Variants in PTN observed in about 807,000 individuals in gnomAD.
PTN encodes the protein heparin affin regulatory protein.
Under a neutral mutation model 24.1 loss-of-function variants are expected in PTN, and 18 were observed. That is an observed-to-expected ratio of 0.75 (90% CI 0.52 to 1.11). PTN has a LOEUF of 1.11. Ranked by LOEUF, PTN falls within the 50% of genes least tolerant of loss-of-function variation. The pLI, the probability that PTN is intolerant of heterozygous loss-of-function variation, is 0.00. For missense variants in PTN, 163 were observed against 198.8 expected (o/e 0.82, Z 1.08); for synonymous variants, 78 against 68.6 (o/e 1.14, Z -0.67).
intron 4 of PTN, among the ~76,000 whole-genome samples, chr7:137,233,243 G>GAGAA: frequency 6.6e-6 from 1 of 151,912 alleles, no homozygotes; most frequent in Non-Finnish European, 1.5e-5. Flanking sequence ...TAAGAACTAA[G>GAGAA]CCCTAATCTA....
At chr7:137,274,672 T>C (rs1228532191) in intron 1 of PTN, among the ~76,000 whole-genome samples, 1 of 152,188 alleles carries the variant, frequency 6.6e-6, no homozygotes, top group African/African-American at 2.4e-5. Flanking sequence ...GATGCCTTGC[T>C]CACATTAGGT....
At chr7:137,245,330 A>G (rs185573533) in intron 4 of PTN, among the ~76,000 whole-genome samples, 2 of 152,352 alleles carry the variant, frequency 1.3e-5, no homozygotes, top group East Asian at 1.9e-4. Flanking sequence ...GTTTCAACCA[A>G]TGATGGACCA....
chr7:137,288,169 A>G (rs1809586735), intron 1 of PTN, among the ~76,000 whole-genome samples: 1 of 152,206 alleles, frequency 6.6e-6, no homozygotes, highest in African/African-American at 2.4e-5. Context: ...AGTGAGATGA[A>G]GGTCTCAAAG....
chr7:137,258,645 A>ATTTATC, intron 1 of PTN, among the ~76,000 whole-genome samples: 1 of 152,320 alleles, frequency 6.6e-6, no homozygotes, highest in East Asian at 1.9e-4. Context: ...TATGCCCAAA[A>ATTTATC]CAATACCCAA....
chr7:137,266,539 A>T (rs745533309), intron 1 of PTN, among the ~76,000 whole-genome samples: 25 of 151,392 alleles, frequency 1.7e-4, no homozygotes, highest in East Asian at 5.8e-4. Context: ...TATTACAAAC[A>T]TTTTTTTTTA....
Position 137,254,293 on chromosome 7 carries a change from C to G in PTN, c.115+566G>C, listed in dbSNP as rs1444624004. Among the ~76,000 whole-genome samples, 8 of 138,906 alleles carry G rather than the reference C, an allele frequency of 5.8e-5. No homozygotes were observed. The Admixed American group carries it at 5.9e-4, about 10-fold the overall frequency. 91.1% of individuals were successfully genotyped at this position (138,906 alleles called of 152,430 possible). On this transcript the variant is annotated intron_variant, in intron 2 of 4. Transcript: ENST00000348225. The stretch of plus-strand genomic sequence containing the variant: ...ACCTGGTGACAGAGCGAGACTCCAA[C>G]TCAAAAAAAAAAAAAAAGAAATAAC...
At chr7:137,248,038 A>G (rs1808754271) in intron 4 of PTN, among the ~76,000 whole-genome samples, 1 of 152,192 alleles carries the variant, frequency 6.6e-6, no homozygotes, top group African/African-American at 2.4e-5. Flanking sequence ...GCAAGGATAT[A>G]TGGGACTTTA....
chr7:137,259,230 C>T (rs1808989501), intron 1 of PTN, among the ~76,000 whole-genome samples: 1 of 152,030 alleles, frequency 6.6e-6, no homozygotes, highest in Non-Finnish European at 1.5e-5. Flanking sequence ...GAAAAGAGAG[C>T]TCCCCTTTTC....
intron 4 of PTN, among the ~76,000 whole-genome samples, chr7:137,234,439 C>A (rs571496024): frequency 6.6e-6 from 1 of 151,976 alleles, no homozygotes; most frequent in Non-Finnish European, 1.5e-5. Flanking sequence ...AATTTAAATT[C>A]TTATCAGCAA....
intron 4 of PTN, among the ~76,000 whole-genome samples, chr7:137,237,094 C>T (rs1194479951): frequency 1.3e-5 from 2 of 152,130 alleles, no homozygotes; most frequent in East Asian, 1.9e-4. Context: ...AAAATTCATA[C>T]TGAACTCCTA....
chr7:137,250,657 G>A (rs955403057), intron 4 of PTN, among the ~76,000 whole-genome samples: 1 of 152,320 alleles, frequency 6.6e-6, no homozygotes, highest in East Asian at 1.9e-4. Context: ...CAAGAGAGCA[G>A]AGCCTGACTT....
At chr7:137,273,290 A>G (rs771744439) in intron 1 of PTN, among the ~76,000 whole-genome samples, 7 of 152,210 alleles carry the variant, frequency 4.6e-5, no homozygotes, top group Admixed American at 6.5e-5. Flanking sequence ...CCACTTACAC[A>G]TCTCTGTTCC....
rs184475606 is a variant in PTN at position 137,289,767 on chromosome 7, T to G, written c.-1-34793A>C. On this transcript the variant is annotated intron_variant, in intron 1 of 4. Transcript: ENST00000348225. The stretch of plus-strand genomic sequence containing the variant: ...ATGGCTGATGATCTGAATCAGCTTG[T>G]AAGTTTGCTGTTCCCCAAAATTTCC... 2.8e-4 allele frequency among the ~76,000 whole-genome samples: 43 copies of G among 152,296 alleles called. No individual in the cohort carries two copies. In the East Asian group the frequency reaches 5.2e-3, roughly 18 times the overall value.
intron 1 of PTN, among the ~76,000 whole-genome samples, chr7:137,310,686 G>A (rs958009099): frequency 6.6e-6 from 1 of 152,086 alleles, no homozygotes; most frequent in African/African-American, 2.4e-5. Flanking sequence ...TTATAGTCAT[G>A]AGCCACCACC....
At chr7:137,295,451 A>C (rs1434709401) in intron 1 of PTN, among the ~76,000 whole-genome samples, 3 of 152,076 alleles carry the variant, frequency 2.0e-5, no homozygotes, top group Non-Finnish European at 4.4e-5. Context: ...CATCTGTTCT[A>C]GAGCCTCATT....
intron 1 of PTN, among the ~76,000 whole-genome samples, chr7:137,294,525 GAA>G (rs1466019723): frequency 6.6e-6 from 1 of 152,090 alleles, no homozygotes; most frequent in Non-Finnish European, 1.5e-5. Flanking sequence ...TATCTAGTCT[GAA>G]GCCAAATTAG....
intron 4 of PTN, chr7:137,236,061 G>A: frequency 1.6e-6 from 1 of 643,592 alleles, no homozygotes; most frequent in Non-Finnish European, 2.8e-6. Context: ...AAGGTTTAGT[G>A]AAGATGAAAT....
At chr7:137,253,997 C>T (rs978158934) in intron 2 of PTN, among the ~76,000 whole-genome samples, 6 of 152,100 alleles carry the variant, frequency 3.9e-5, no homozygotes, top group Non-Finnish European at 7.4e-5. Context: ...AGAAAATATT[C>T]TATTAGAAAT....
chr7:137,261,815 G>T (rs1809043646), intron 1 of PTN, among the ~76,000 whole-genome samples: 1 of 152,144 alleles, frequency 6.6e-6, no homozygotes, highest in Non-Finnish European at 1.5e-5. Flanking sequence ...AGCAAGGCCG[G>T]CCTGTTTAGA....
Sources: gnomAD v4.1 joint callset for allele counts (sites outside exome capture counted in the v4.1 genomes callset) on GRCh38, gnomAD v4.1.1 for gene constraint, MANE v1.5 for transcripts, NCBI Gene and HGNC (gene_info 2026-07-23, HGNC 2026-07-21) for gene names.